The following PTPN9 variants were observed in gnomAD, a reference collection of about 807,000 sequenced individuals.
PTPN9 encodes tyrosine-protein phosphatase non-receptor type 9.
PTPN9 carries 26 observed loss-of-function variants against 69.8 expected under a neutral mutation model. That is an observed-to-expected ratio of 0.37 (90% CI 0.27 to 0.52). PTPN9 has a LOEUF of 0.52. PTPN9 is among the 20% of genes least tolerant of loss of function. The probability of loss-of-function intolerance (pLI) is 0.91; values close to 1 mark genes in which losing one functional copy is unlikely to be tolerated. For synonymous variants in PTPN9, 274 were observed against 272.5 expected (o/e 1.01, Z -0.05); for missense variants, 549 against 740.3 (o/e 0.74, Z 3.00).
chr15:75,528,670 A>G (rs2074941505), intron 1 of PTPN9, among the ~76,000 whole-genome samples: 1 of 150,136 alleles, frequency 6.7e-6, no homozygotes. Flanking sequence ...CTGGGATTAC[A>G]GGCATGAGCC....
intron 1 of PTPN9, among the ~76,000 whole-genome samples, chr15:75,551,380 G>T (rs1207627877): frequency 4.6e-5 from 7 of 152,108 alleles, no homozygotes; most frequent in African/African-American, 1.7e-4. Flanking sequence ...TTTTGAAACG[G>T]AGTCTCGCTC....
chr15:75,483,324 C>T (rs1252843780), intron 8 of PTPN9, among the ~76,000 whole-genome samples: 1 of 152,196 alleles, frequency 6.6e-6, no homozygotes, highest in Non-Finnish European at 1.5e-5. Flanking sequence ...AAATGTCCTT[C>T]AACTGATAAA....
Position 75,468,814 on chromosome 15 carries a change from G to A in PTPN9, c.1737C>T (p.Gly579=). Residue 579 remains glycine (G), a synonymous_variant, in exon 13 of 13, where the codon GGC becomes GGT. Coordinates refer to ENST00000618819, the MANE Select transcript of PTPN9 (RefSeq NM_002833.4). ...KAILEFAEKE[G]MVSSGQNLLA... ...GCAGGTTTTGGCCAGAGGATACCAT[G>A]CCCTCCTTCTCTGCGAACTCCAGGA... 2 of 1,614,132 alleles carry A rather than the reference G, an allele frequency of 1.2e-6. No individual in the cohort carries two copies. The highest frequency in any genetic ancestry group is 1.7e-5 in the Admixed American group (1 of 60,026).
intron 1 of PTPN9, among the ~76,000 whole-genome samples, chr15:75,541,644 G>C (rs1482890130): frequency 6.6e-6 from 1 of 151,896 alleles, no homozygotes; most frequent in Non-Finnish European, 1.5e-5. Flanking sequence ...CTGACCTCCT[G>C]ATCCGCCTGC....
At chr15:75,490,764 A>G (rs1031903841) in intron 7 of PTPN9, among the ~76,000 whole-genome samples, 1 of 152,128 alleles carries the variant, frequency 6.6e-6, no homozygotes, top group African/African-American at 2.4e-5. Flanking sequence ...AGCTGGGACT[A>G]CAGGCTCCCG....
intron 1 of PTPN9, among the ~76,000 whole-genome samples, chr15:75,559,642 CG>C (rs923241063): frequency 6.6e-6 from 1 of 151,858 alleles, no homozygotes; most frequent in African/African-American, 2.4e-5. Context: ...TGCGGAAGGC[CG>C]CAGGGTCCTC....
intron 8 of PTPN9, among the ~76,000 whole-genome samples, chr15:75,488,714 A>T (rs2074692811): frequency 6.6e-6 from 1 of 152,178 alleles, no homozygotes. Context: ...GGATCGCTTG[A>T]GCCCAGGAGT....
chr15:75,550,711 C>T (rs561545742), intron 1 of PTPN9, among the ~76,000 whole-genome samples: 50 of 151,996 alleles, frequency 3.3e-4, no homozygotes, highest in African/African-American at 1.0e-3. Flanking sequence ...CGCTTGAACC[C>T]GGGAGAAGGT....
intron 1 of PTPN9, among the ~76,000 whole-genome samples, chr15:75,541,438 G>A (rs539616990): frequency 1.5e-4 from 21 of 142,106 alleles, no homozygotes; most frequent in African/African-American, 4.2e-4. Context: ...ACAGAGTCTC[G>A]CTCTGTCGCC....
chr15:75,498,464 C>G (rs2074755705), intron 7 of PTPN9, among the ~76,000 whole-genome samples: 1 of 151,922 alleles, frequency 6.6e-6, no homozygotes, highest in Admixed American at 6.6e-5. Context: ...CCTGTAATCC[C>G]AGCACTTTGG....
intron 4 of PTPN9, among the ~76,000 whole-genome samples, chr15:75,520,525 T>G (rs1324335593): frequency 6.8e-6 from 1 of 146,650 alleles, no homozygotes; most frequent in African/African-American, 2.6e-5. Flanking sequence ...TACATATACT[T>G]TTTTTTTTTT....
At position 75,505,947 on chromosome 15, in the gene PTPN9, T is replaced by C; in HGVS notation, c.696A>G (p.Pro232=). The C allele has an allele frequency of 6.2e-7, 1 of 1,614,136 alleles. No individual in the cohort carries two copies. The highest frequency in any genetic ancestry group is 8.5e-7 in the Non-Finnish European group (1 of 1,179,990). Residue 232 remains proline (P), a synonymous_variant, in exon 7 of 13, where the codon CCA becomes CCG. Coordinates refer to ENST00000618819, the MANE Select transcript of PTPN9 (RefSeq NM_002833.4). Reference sequence around the variant, plus strand: ...TTTTGACGTACCCACCCAGGTTTTCTGGAAGACACTCCCTGGGCAGATGCT... The same window carrying C: ...TTTTGACGTACCCACCCAGGTTTTCCGGAAGACACTCCCTGGGCAGATGCT... ...VTQHLPRECL[P]ENLGGYVKID...
At position 75,468,061 on chromosome 15, in the gene PTPN9, C is replaced by T. The variant is rs560812161; in HGVS notation, c.*708G>A. 1.3e-5 allele frequency: 2 copies of T among 152,650 alleles called. No homozygotes were observed. Among genetic ancestry groups the T allele is most frequent in the African/African-American group, 4.8e-5 (2 of 41,500 alleles). 9.5% of individuals were successfully genotyped at this position (152,650 alleles called of 1,614,324 possible). A position where few individuals can be genotyped will look rare whatever the true frequency, so the allele number is the denominator to read the frequency against. On this transcript the variant is annotated 3_prime_UTR_variant, in exon 13 of 13. Coordinates refer to ENST00000618819, the MANE Select transcript of PTPN9 (RefSeq NM_002833.4). Reference sequence around the variant, plus strand: ...TGACAAGAGGAGACATGATCACCAACCCAAGCTAGTCCAGGATAAATAGTA... The same window carrying T: ...TGACAAGAGGAGACATGATCACCAATCCAAGCTAGTCCAGGATAAATAGTA...
At chr15:75,559,633 G>T (rs2075094793) in intron 1 of PTPN9, among the ~76,000 whole-genome samples, 1 of 152,028 alleles carries the variant, frequency 6.6e-6, no homozygotes, top group Non-Finnish European at 1.5e-5. Flanking sequence ...CACAAACACT[G>T]CGGAAGGCCG....
intron 7 of PTPN9, among the ~76,000 whole-genome samples, chr15:75,494,131 CATAT>C (rs71140166): frequency 0.47 from 68,021 of 143,346 alleles, 16,265 homozygotes; most frequent in African/African-American, 0.56. Flanking sequence ...TTATCAATCC[CATAT>C]ATATATATAT....
In PTPN9 at chr15:75,524,269, C is replaced by T. The variant is rs2074917982; in HGVS notation, c.237G>A (p.Lys79=). 1.2e-6 allele frequency: 2 copies of T among 1,612,434 alleles called. No individual in the cohort carries two copies. The highest frequency in any genetic ancestry group is 1.7e-6 in the Non-Finnish European group (2 of 1,178,882). Residue 79 remains lysine, a synonymous_variant, in exon 3 of 13, where the codon AAG becomes AAA. Coordinates refer to ENST00000618819, the MANE Select transcript of PTPN9 (RefSeq NM_002833.4). ...RETRRKEGIV[K]LKPHEEPLRS... is the part of the protein sequence containing the mutation. Reference sequence around the variant, plus strand: ...GAAGAGGTTCCTCATGAGGTTTCAGCTTTACAATGCCTTCCTTCCTTCGAG... The same window carrying T: ...GAAGAGGTTCCTCATGAGGTTTCAGTTTTACAATGCCTTCCTTCCTTCGAG...
intron 1 of PTPN9, among the ~76,000 whole-genome samples, chr15:75,554,322 G>A (rs942421216): frequency 6.6e-6 from 1 of 151,932 alleles, no homozygotes; most frequent in African/African-American, 2.4e-5. Context: ...AGCCTCCCAA[G>A]TAGCTGGGAT....
At chr15:75,474,067 CATCCA>C (rs1436879666) in intron 9 of PTPN9, among the ~76,000 whole-genome samples, 2 of 152,196 alleles carry the variant, frequency 1.3e-5, no homozygotes, top group African/African-American at 4.8e-5. Flanking sequence ...TCAGCCATCA[CATCCA>C]GGCTGACAGT....
At chr15:75,489,945 C>T (rs2074699614) in intron 8 of PTPN9, among the ~76,000 whole-genome samples, 1 of 152,170 alleles carries the variant, frequency 6.6e-6, no homozygotes, top group African/African-American at 2.4e-5. Context: ...AATTTAACAT[C>T]TATGAAGCAC....
Sources: gnomAD v4.1 joint callset for allele counts (sites outside exome capture counted in the v4.1 genomes callset) on GRCh38, gnomAD v4.1.1 for gene constraint, MANE v1.5 for transcripts, NCBI Gene and HGNC (gene_info 2026-07-23, HGNC 2026-07-21) for gene names.